PTPRD: variants seen among roughly 807,000 people sequenced by gnomAD.
PTPRD encodes the protein receptor-type tyrosine-protein phosphatase delta.
PTPRD carries 34 observed loss-of-function variants against 214.5 expected under a neutral mutation model. The ratio of observed to expected loss-of-function variants is 0.16; its 90% CI spans 0.12 to 0.21. The LOEUF (loss-of-function observed/expected upper bound fraction) is 0.21. PTPRD is among the 10% of genes least tolerant of loss of function. PTPRD has a pLI of 1.00. For synonymous variants in PTPRD, 1,128 were observed against 845.7 expected, an observed-to-expected ratio of 1.33 and a Z score of -5.79; for missense variants, 2,545 against 2,398.7, an observed-to-expected ratio of 1.06 and a Z score of -1.27.
At chr9:8,668,030 T>C (rs905576901) in intron 12 of PTPRD, among the ~76,000 whole-genome samples, 37 of 152,110 alleles carry the variant, frequency 2.4e-4, no homozygotes, top group Admixed American at 1.3e-4. Context: ...AATCATGGGG[T>C]TAAGTTGGTC....
intron 11 of PTPRD, among the ~76,000 whole-genome samples, chr9:8,971,601 T>C (rs1332163655): frequency 6.6e-6 from 1 of 151,770 alleles, no homozygotes; most frequent in Non-Finnish European, 1.5e-5. Flanking sequence ...ATTACATGTT[T>C]AGATTCTAGT....
intron 21 of PTPRD, 25 bp from the exon 22 acceptor site, chr9:8,507,459 G>C (rs780414545): frequency 1.9e-6 from 3 of 1,613,094 alleles, no homozygotes; most frequent in Non-Finnish European, 2.5e-6. Context: ...GCAATGGATT[G>C]AACTCACAAT....
intron 3 of PTPRD, among the ~76,000 whole-genome samples, chr9:10,268,594 A>G (rs1057445886): frequency 1.3e-4 from 20 of 152,110 alleles, no homozygotes; most frequent in Admixed American, 9.8e-4. Flanking sequence ...CTATTTCATC[A>G]TAAGTTTGTA....
At chr9:9,597,605 G>A (rs895323724) in intron 7 of PTPRD, among the ~76,000 whole-genome samples, 7 of 151,944 alleles carry the variant, frequency 4.6e-5, no homozygotes, top group African/African-American at 7.2e-5. Flanking sequence ...TACAAAGCTG[G>A]GGGAAGTCAA....
At chr9:10,052,090 A>G (rs2097545693) in intron 3 of PTPRD, among the ~76,000 whole-genome samples, 1 of 152,072 alleles carries the variant, frequency 6.6e-6, no homozygotes, top group Non-Finnish European at 1.5e-5. Context: ...GACCACAGGC[A>G]GGTGCCACCA....
intron 12 of PTPRD, among the ~76,000 whole-genome samples, chr9:8,688,578 A>AAAC (rs1555139604): frequency 3.3e-4 from 50 of 151,328 alleles, no homozygotes; most frequent in African/African-American, 1.1e-3. Flanking sequence ...AAAAAAAAAA[A>AAAC]AGAAAAAAAT....
At chr9:10,463,258 G>A (rs555905910) in intron 2 of PTPRD, among the ~76,000 whole-genome samples, 1 of 152,126 alleles carries the variant, frequency 6.6e-6, no homozygotes, top group African/African-American at 2.4e-5. Context: ...ATTTTAACGA[G>A]CATTTATTTG....
chr9:9,772,575 G>T (rs1047932266), intron 5 of PTPRD, among the ~76,000 whole-genome samples: 1 of 145,692 alleles, frequency 6.9e-6, no homozygotes. Flanking sequence ...TTCCTGCTCT[G>T]CAAATGCCTT....
At chr9:9,513,548 T>C (rs375421195) in intron 8 of PTPRD, among the ~76,000 whole-genome samples, 7 of 151,428 alleles carry the variant, frequency 4.6e-5, no homozygotes, top group Admixed American at 2.6e-4. Flanking sequence ...TTTTATTTCA[T>C]CTCCATGTAC....
At chr9:10,397,734 T>C (rs974322064) in intron 2 of PTPRD, among the ~76,000 whole-genome samples, 4 of 151,986 alleles carry the variant, frequency 2.6e-5, no homozygotes, top group African/African-American at 9.7e-5. Context: ...AATAGGCTTC[T>C]AGAGTGAAAC....
intron 4 of PTPRD, among the ~76,000 whole-genome samples, chr9:9,951,213 A>AG (rs768198371): frequency 2.6e-5 from 4 of 152,256 alleles, no homozygotes; most frequent in Admixed American, 6.5e-5. Context: ...AGAAGCTTTG[A>AG]GGGAAAAAAA....
intron 2 of PTPRD, among the ~76,000 whole-genome samples, chr9:10,503,887 T>G (rs536506215): frequency 6.6e-6 from 1 of 150,972 alleles, no homozygotes; most frequent in Non-Finnish European, 1.5e-5. Flanking sequence ...GAGGCCGAGG[T>G]GGGCGGATCA....
intron 12 of PTPRD, among the ~76,000 whole-genome samples, chr9:8,697,476 G>T (rs1282273159): frequency 1.5e-5 from 2 of 136,206 alleles, no homozygotes; most frequent in African/African-American, 5.6e-5. Context: ...AGGCTGGAGT[G>T]CAGTGGTGTG....
intron 11 of PTPRD, among the ~76,000 whole-genome samples, chr9:8,806,570 T>G (rs571790924): frequency 6.6e-6 from 1 of 152,286 alleles, no homozygotes; most frequent in Admixed American, 6.5e-5. Context: ...GCTATTAGAT[T>G]ATCTGTAAAT....
intron 8 of PTPRD, among the ~76,000 whole-genome samples, chr9:9,430,236 C>G (rs1375348091): frequency 6.6e-6 from 1 of 152,134 alleles, no homozygotes; most frequent in Non-Finnish European, 1.5e-5. Flanking sequence ...GCAAAAATCA[C>G]AAGCATTCCT....
intron 11 of PTPRD, among the ~76,000 whole-genome samples, chr9:8,926,641 A>T (rs531362162): frequency 2.0e-5 from 3 of 152,300 alleles, no homozygotes; most frequent in East Asian, 3.9e-4. Flanking sequence ...GATTCTTTCC[A>T]CTGGAAATAA....
chr9:8,677,347 G>T lies in PTPRD; in HGVS notation c.65-40503C>A, dbSNP rs1006531394. Among the ~76,000 whole-genome samples the T allele has an allele frequency of 3.3e-5, 5 of 152,178 alleles. No individual in the cohort carries two copies. The East Asian group carries it at 7.7e-4, about 23-fold the overall frequency. On this transcript the variant is annotated intron_variant, in intron 12 of 45. Coordinates refer to ENST00000381196, the MANE Select transcript of PTPRD (RefSeq NM_002839.4). Reference sequence around the variant, plus strand: ...GGAAATACTACCCAGCTATGAAAAAGAATGAGATAATGTCCTTTGCAGTAA... The same window carrying T: ...GGAAATACTACCCAGCTATGAAAAATAATGAGATAATGTCCTTTGCAGTAA...
chr9:9,740,825 A>G (rs1746803), intron 6 of PTPRD, among the ~76,000 whole-genome samples: 75,810 of 152,068 alleles, frequency 0.5, 22,588 homozygotes, highest in African/African-American at 0.83. Flanking sequence ...GGAAGCTACC[A>G]GCTCTTCCAA....
At chr9:9,696,654 A>T (rs1014697746) in intron 7 of PTPRD, among the ~76,000 whole-genome samples, 2 of 152,142 alleles carry the variant, frequency 1.3e-5, no homozygotes, top group African/African-American at 2.4e-5. Context: ...TGCATAAACT[A>T]TCTTATTCCC....
Sources: gnomAD v4.1 joint callset for allele counts (sites outside exome capture counted in the v4.1 genomes callset) on GRCh38, gnomAD v4.1.1 for gene constraint, MANE v1.5 for transcripts, NCBI Gene and HGNC (gene_info 2026-07-23, HGNC 2026-07-21) for gene names.